CTBP2: variants seen among roughly 807,000 people sequenced by gnomAD.
The protein encoded by CTBP2 is C-terminal-binding protein 2.
A neutral mutation model predicts 80.3 loss-of-function variants in CTBP2; 30 were observed. That is an observed-to-expected ratio of 0.37 (90% CI 0.28 to 0.51). The LOEUF (loss-of-function observed/expected upper bound fraction) is 0.51. Among genes scored for constraint, CTBP2 ranks in the 20% least tolerant of loss-of-function variants. CTBP2 has a pLI of 0.93. For synonymous variants in CTBP2, 594 were observed against 587.4 expected, an observed-to-expected ratio of 1.01 and a Z score of -0.16; for missense variants, 1,212 against 1,375.3, an observed-to-expected ratio of 0.88 and a Z score of 1.88.
intron 1 of CTBP2, among the ~76,000 whole-genome samples, chr10:125,024,569 G>A (rs1396813520): frequency 5.3e-5 from 8 of 152,276 alleles, no homozygotes; most frequent in East Asian, 1.9e-4. Context: ...TTCCTCCTTC[G>A]GCAAAACCTT....
intron 2 of CTBP2, among the ~76,000 whole-genome samples, chr10:125,089,509 A>G (rs1152663): frequency 0.32 from 49,054 of 152,062 alleles, 8,933 homozygotes; most frequent in African/African-American, 0.47. Context: ...CTCCAAGAAC[A>G]GTTTCTGGCC....
intron 2 of CTBP2, among the ~76,000 whole-genome samples, chr10:125,098,668 GAGAGA>G (rs1564913632): frequency 1.2e-5 from 1 of 85,676 alleles, no homozygotes; most frequent in Non-Finnish European, 2.4e-5. Context: ...GAGAGAGAGA[GAGAGA>G]GAGAGAGAGA....
intron 2 of CTBP2, among the ~76,000 whole-genome samples, chr10:125,076,658 A>G (rs1465703753): frequency 6.6e-6 from 1 of 152,182 alleles, no homozygotes; most frequent in Non-Finnish European, 1.5e-5. Flanking sequence ...TGGAAGACAC[A>G]CTTGGCACAA....
intron 1 of CTBP2, among the ~76,000 whole-genome samples, chr10:125,025,687 G>A (rs2949367): frequency 0.94 from 143,403 of 152,308 alleles, 67,789 homozygotes; most frequent in Non-Finnish European, 0.98. Context: ...TTGATGAAAC[G>A]TTCCTGCCTT....
chr10:125,004,050 A>G (rs533023933), intron 1 of CTBP2, among the ~76,000 whole-genome samples: 3 of 152,220 alleles, frequency 2.0e-5, no homozygotes, highest in Non-Finnish European at 4.4e-5. Flanking sequence ...TCAAAGGACC[A>G]CACAGCAAGC....
chr10:125,086,612 T>TA (rs1564885611), intron 2 of CTBP2, among the ~76,000 whole-genome samples: 27 of 74,452 alleles, frequency 3.6e-4, no homozygotes, highest in African/African-American at 1.5e-3. Context: ...AAAATTTTAT[T>TA]TAAAAAAAAA....
chr10:125,102,540 A>C (rs1850794380), intron 2 of CTBP2, among the ~76,000 whole-genome samples: 1 of 152,222 alleles, frequency 6.6e-6, no homozygotes, highest in Admixed American at 6.5e-5. Context: ...ATCAGAGCAC[A>C]AATCAATGTT....
At chr10:125,114,006 T>C (rs1176637276) in intron 1 of CTBP2, among the ~76,000 whole-genome samples, 1 of 152,202 alleles carries the variant, frequency 6.6e-6, no homozygotes, top group Non-Finnish European at 1.5e-5. Flanking sequence ...ACAGAAAAGC[T>C]AAAGATTCAA....
At chr10:125,138,666 T>TAA (rs77530093) in intron 1 of CTBP2, among the ~76,000 whole-genome samples, 15 of 124,664 alleles carry the variant, frequency 1.2e-4, no homozygotes, top group East Asian at 2.3e-4. Context: ...GCCAAATGGT[T>TAA]AAAAAAAAAA....
chr10:125,021,659 C>T (rs1288186983), intron 1 of CTBP2, among the ~76,000 whole-genome samples: 2 of 152,130 alleles, frequency 1.3e-5, no homozygotes, highest in Non-Finnish European at 2.9e-5. Context: ...ACAAGAAGGG[C>T]TGGGAGTCTC....
chr10:125,011,487 C>A (rs1043684074), intron 1 of CTBP2, among the ~76,000 whole-genome samples: 1 of 152,162 alleles, frequency 6.6e-6, no homozygotes, highest in African/African-American at 2.4e-5. Flanking sequence ...TGTTCTCAGG[C>A]CCCCAAAAGC....
intron 2 of CTBP2, among the ~76,000 whole-genome samples, chr10:125,062,718 C>T (rs1399476814): frequency 1.3e-5 from 2 of 152,120 alleles, no homozygotes; most frequent in East Asian, 1.9e-4. Context: ...AAAAATTAGC[C>T]GGGTGCGGTG....
At chr10:125,118,411 T>A in intron 1 of CTBP2, among the ~76,000 whole-genome samples, 1 of 152,104 alleles carries the variant, frequency 6.6e-6, no homozygotes, top group African/African-American at 2.4e-5. Flanking sequence ...AAGGAACAAA[T>A]TGATAAACGG....
At chr10:125,090,590 C>T (rs941427002) in intron 2 of CTBP2, among the ~76,000 whole-genome samples, 3 of 151,824 alleles carry the variant, frequency 2.0e-5, no homozygotes, top group East Asian at 1.9e-4. Context: ...TAGTGAGACC[C>T]GACCTCTACC....
intron 3 of CTBP2, among the ~76,000 whole-genome samples, chr10:125,002,661 T>G (rs1187678740): frequency 1.3e-5 from 2 of 152,122 alleles, no homozygotes; most frequent in Non-Finnish European, 2.9e-5. Context: ...CATTCTCCCC[T>G]CTGGAGGCGG....
chr10:125,111,138 T>C (rs888919912), intron 1 of CTBP2, 45 bp from the exon 2 acceptor site: 8 of 126,022 alleles, frequency 6.3e-5, no homozygotes, highest in East Asian at 2.1e-4. Context: ...AGTAGAGATT[T>C]TTTTTTTTTG....
At chr10:125,087,498 CACTCCCCCAGTCCCCCTGAAGGGCAA>C (rs1481989010) in intron 2 of CTBP2, among the ~76,000 whole-genome samples, 1 of 152,184 alleles carries the variant, frequency 6.6e-6, no homozygotes, top group African/African-American at 2.4e-5. Flanking sequence ...TGCCAGGAAA[CACTCCCCCAGTCCCCCTGAAGGGCAA>C]AGGTCTGTCT....
chr10:124,994,257 G>A (rs1953140410), intron 5 of CTBP2, among the ~76,000 whole-genome samples: 1 of 152,196 alleles, frequency 6.6e-6, no homozygotes, highest in Non-Finnish European at 1.5e-5. Flanking sequence ...CTGAAGCTGG[G>A]TCCTGGCTAG....
chr10:125,075,549 T>G (rs953927170), intron 2 of CTBP2, among the ~76,000 whole-genome samples: 3 of 152,144 alleles, frequency 2.0e-5, no homozygotes, highest in Admixed American at 1.3e-4. Context: ...TTCTATTCAT[T>G]ATAAATTACT....
Sources: gnomAD v4.1 joint callset for allele counts (sites outside exome capture counted in the v4.1 genomes callset) on GRCh38, gnomAD v4.1.1 for gene constraint, MANE v1.5 for transcripts, NCBI Gene and HGNC (gene_info 2026-07-23, HGNC 2026-07-21) for gene names.